Variants in PLCB1 observed in about 807,000 individuals in gnomAD.
PLCB1 encodes phospholipase C beta 1, also known as 1-phosphatidylinositol 4,5-bisphosphate phosphodiesterase beta-1.
Under a neutral mutation model 161.8 loss-of-function variants are expected in PLCB1, and 46 were observed. The ratio of observed to expected loss-of-function variants is 0.28; its 90% CI spans 0.22 to 0.36. The LOEUF is 0.36. Ranked by LOEUF, PLCB1 falls within the 10% of genes least tolerant of loss-of-function variation. The pLI, the probability that PLCB1 is intolerant of heterozygous loss-of-function variation, is 1.00. For synonymous variants in PLCB1, 517 were observed against 503.7 expected (o/e 1.03, Z -0.35); for missense variants, 1,016 against 1,472.5 (o/e 0.69, Z 5.07).
intron 31 of PLCB1, among the ~76,000 whole-genome samples, chr20:8,872,792 C>A (rs545642363): frequency 2.0e-5 from 3 of 152,074 alleles, no homozygotes; most frequent in African/African-American, 7.2e-5. Flanking sequence ...TTTCCTAGTT[C>A]CCATTTGAAG....
intron 31 of PLCB1, among the ~76,000 whole-genome samples, chr20:8,843,603 CATAA>C (rs1486629434): frequency 2.0e-5 from 3 of 151,602 alleles, no homozygotes; most frequent in East Asian, 3.9e-4. Context: ...ATGTGTTCAT[CATAA>C]ATGAATGTAT....
intron 2 of PLCB1, among the ~76,000 whole-genome samples, chr20:8,362,641 G>C (rs1174880665): frequency 6.6e-6 from 1 of 152,106 alleles, no homozygotes; most frequent in Non-Finnish European, 1.5e-5. Context: ...AGAATATTTG[G>C]CTATTGCACA....
At chr20:8,345,031 A>G (rs765882928) in intron 2 of PLCB1, among the ~76,000 whole-genome samples, 1 of 152,186 alleles carries the variant, frequency 6.6e-6, no homozygotes, top group Non-Finnish European at 1.5e-5. Flanking sequence ...ACTGGCAATT[A>G]TGTTTTAGTA....
intron 3 of PLCB1, among the ~76,000 whole-genome samples, chr20:8,594,876 T>C (rs541152075): frequency 6.6e-6 from 1 of 152,266 alleles, no homozygotes; most frequent in South Asian, 2.1e-4. Context: ...CTTACCCAAA[T>C]TAGGTGTTTA....
intron 2 of PLCB1, among the ~76,000 whole-genome samples, chr20:8,157,589 C>G (rs2051574992): frequency 6.6e-6 from 1 of 152,146 alleles, no homozygotes; most frequent in Non-Finnish European, 1.5e-5. Context: ...AGATTTTGCA[C>G]CAGTGAACTC....
intron 9 of PLCB1, among the ~76,000 whole-genome samples, chr20:8,675,742 G>A (rs1990058591): frequency 6.6e-6 from 1 of 152,168 alleles, no homozygotes; most frequent in Admixed American, 6.5e-5. Flanking sequence ...TCTGGCAAGG[G>A]TGAGGGATAA....
chr20:8,729,146 G>A lies in PLCB1; in HGVS notation c.1860G>A (p.Gln620=). ...MPQLFWNAGC[Q]MVALNFQTMD... The stretch of plus-strand genomic sequence containing the variant: ...AGCTCTTCTGGAATGCAGGTTGTCA[G>A]ATGGTGGCACTTAATTTCCAGACAA... Residue 620 remains glutamine, a synonymous_variant, in exon 18 of 32, where the codon CAG becomes CAA. Coordinates refer to ENST00000338037, the MANE Select transcript of PLCB1 (RefSeq NM_015192.4). The A allele has an allele frequency of 6.2e-7, 1 of 1,612,158 alleles. No individual in the cohort carries two copies. Among genetic ancestry groups the A allele is most frequent in the Non-Finnish European group, 8.5e-7 (1 of 1,178,714 alleles).
chr20:8,524,497 T>C (rs1241810482), intron 3 of PLCB1, among the ~76,000 whole-genome samples: 2 of 152,220 alleles, frequency 1.3e-5, no homozygotes, highest in Non-Finnish European at 2.9e-5. Context: ...AATAACCTTG[T>C]AAACGTGTCT....
chr20:8,539,175 G>A, intron 3 of PLCB1, among the ~76,000 whole-genome samples: 1 of 152,108 alleles, frequency 6.6e-6, no homozygotes, highest in East Asian at 1.9e-4. Context: ...GTTTGTCATA[G>A]CTGTAGAATA....
At chr20:8,141,507 C>T (rs751670834) in intron 1 of PLCB1, among the ~76,000 whole-genome samples, 1 of 151,526 alleles carries the variant, frequency 6.6e-6, no homozygotes, top group African/African-American at 2.4e-5. Context: ...CCTGTAATCC[C>T]GACCACTCGA....
In PLCB1 at chr20:8,288,227, C is replaced by A. The variant is rs1409172554; in HGVS notation, c.178-83155C>A. Among the ~76,000 whole-genome samples the A allele has an allele frequency of 6.1e-5, 9 of 148,306 alleles. No individual in the cohort carries two copies. In the Admixed American group the frequency reaches 6.2e-4, roughly 10 times the overall value. Reference sequence around the variant, plus strand: ...AATAGAGCTTCTTGTTAGTCAGCTTCTTGTCCTTGAGGGGCCTGGAGGCTA... The same window carrying A: ...AATAGAGCTTCTTGTTAGTCAGCTTATTGTCCTTGAGGGGCCTGGAGGCTA... On this transcript the variant is annotated intron_variant, in intron 2 of 31. Coordinates refer to ENST00000338037, the MANE Select transcript of PLCB1 (RefSeq NM_015192.4).
At chr20:8,667,020 G>A (rs1163495888) in intron 9 of PLCB1, among the ~76,000 whole-genome samples, 1 of 152,052 alleles carries the variant, frequency 6.6e-6, no homozygotes, top group Non-Finnish European at 1.5e-5. Flanking sequence ...TTAAAGATCT[G>A]CCTCACAATT....
chr20:8,697,343 T>C (rs552552406), intron 10 of PLCB1, among the ~76,000 whole-genome samples: 1 of 152,346 alleles, frequency 6.6e-6, no homozygotes, highest in East Asian at 1.9e-4. Context: ...ATGTTTAGTA[T>C]ATATACAGTC....
chr20:8,144,360 G>C (rs1249066765), intron 1 of PLCB1, among the ~76,000 whole-genome samples: 1 of 152,098 alleles, frequency 6.6e-6, no homozygotes, highest in Non-Finnish European at 1.5e-5. Flanking sequence ...GATCTTGCAC[G>C]ACACTTGAAG....
intron 9 of PLCB1, among the ~76,000 whole-genome samples, chr20:8,671,525 C>G (rs1345549332): frequency 1.3e-5 from 2 of 152,098 alleles, no homozygotes; most frequent in Non-Finnish European, 2.9e-5. Flanking sequence ...TAGACAAATT[C>G]AAATCAAAGA....
At chr20:8,141,769 A>G (rs2123015372) in intron 1 of PLCB1, 1 of 152,470 alleles carries the variant, frequency 6.6e-6, no homozygotes, top group Non-Finnish European at 1.5e-5. Context: ...TTGTCGAGTA[A>G]GTGACATTTC....
At chr20:8,842,669 T>G (rs1986550226) in intron 31 of PLCB1, among the ~76,000 whole-genome samples, 1 of 152,002 alleles carries the variant, frequency 6.6e-6, no homozygotes, top group Non-Finnish European at 1.5e-5. Flanking sequence ...GGCCTACAGC[T>G]CTAAGGGGGT....
chr20:8,603,411 C>T (rs889396930), intron 3 of PLCB1, among the ~76,000 whole-genome samples: 8 of 152,196 alleles, frequency 5.3e-5, no homozygotes, highest in East Asian at 1.9e-4. Flanking sequence ...AAAATTCAAA[C>T]GACCTTTCTG....
At chr20:8,586,105 T>G (rs1434016191) in intron 3 of PLCB1, among the ~76,000 whole-genome samples, 1 of 152,196 alleles carries the variant, frequency 6.6e-6, no homozygotes, top group Non-Finnish European at 1.5e-5. Context: ...TTAAACTGGG[T>G]CAAAGATGTT....
Sources: gnomAD v4.1 joint callset for allele counts (sites outside exome capture counted in the v4.1 genomes callset) on GRCh38, gnomAD v4.1.1 for gene constraint, MANE v1.5 for transcripts, NCBI Gene and HGNC (gene_info 2026-07-23, HGNC 2026-07-21) for gene names.